Variants in NPAS3 observed in about 807,000 individuals in gnomAD.
NPAS3 encodes neuronal PAS domain-containing protein 3.
NPAS3 carries 14 observed loss-of-function variants against 73.1 expected under a neutral mutation model. That is an observed-to-expected ratio of 0.19 (90% CI 0.13 to 0.30). The LOEUF (loss-of-function observed/expected upper bound fraction) is 0.30. Among genes scored for constraint, NPAS3 ranks in the 10% least tolerant of loss-of-function variants. The pLI, the probability that NPAS3 is intolerant of heterozygous loss-of-function variation, is 1.00. For missense variants in NPAS3, 1,096 were observed against 1,250.0 expected, an observed-to-expected ratio of 0.88 and a Z score of 1.86; for synonymous variants, 620 against 541.5, an observed-to-expected ratio of 1.14 and a Z score of -2.01.
intron 2 of NPAS3, among the ~76,000 whole-genome samples, chr14:33,188,833 G>T (rs1398805505): frequency 6.6e-6 from 1 of 152,142 alleles, no homozygotes; most frequent in Non-Finnish European, 1.5e-5. Context: ...GATAAAAACA[G>T]TCATCATACT....
chr14:33,643,230 A>G (rs1278200551), intron 5 of NPAS3, among the ~76,000 whole-genome samples: 1 of 152,156 alleles, frequency 6.6e-6, no homozygotes, highest in Admixed American at 6.5e-5. Flanking sequence ...ATTATCTGCT[A>G]TAAAGTTGCA....
chr14:33,038,346 A>G (rs2040237953), intron 1 of NPAS3, among the ~76,000 whole-genome samples: 1 of 152,164 alleles, frequency 6.6e-6, no homozygotes, highest in Admixed American at 6.5e-5. Flanking sequence ...GTTAATACAA[A>G]TAATGATTAG....
chr14:32,963,257 T>C (rs1404225567), intron 1 of NPAS3, among the ~76,000 whole-genome samples: 1 of 152,210 alleles, frequency 6.6e-6, no homozygotes, highest in Non-Finnish European at 1.5e-5. Flanking sequence ...ATATTAGCTA[T>C]CTTTCAGATT....
chr14:33,379,535 G>A (rs554000652), intron 4 of NPAS3, among the ~76,000 whole-genome samples: 3 of 151,954 alleles, frequency 2.0e-5, no homozygotes, highest in Non-Finnish European at 4.4e-5. Flanking sequence ...TTTTGTTACC[G>A]GCATCAGCTA....
At chr14:33,582,729 CAT>C (rs1352173226) in intron 5 of NPAS3, among the ~76,000 whole-genome samples, 3 of 152,192 alleles carry the variant, frequency 2.0e-5, no homozygotes, top group East Asian at 1.9e-4. Flanking sequence ...GATAATAAGT[CAT>C]GTGACAGAAA....
chr14:32,999,188 C>T (rs560099987), intron 1 of NPAS3, among the ~76,000 whole-genome samples: 1 of 152,156 alleles, frequency 6.6e-6, no homozygotes, highest in East Asian at 1.9e-4. Flanking sequence ...AGTAGGAGTA[C>T]TGTGAGGAAT....
chr14:33,605,201 A>G (rs2057518002), intron 5 of NPAS3, among the ~76,000 whole-genome samples: 1 of 152,132 alleles, frequency 6.6e-6, no homozygotes, highest in Non-Finnish European at 1.5e-5. Context: ...GAACTTCCTC[A>G]AGTTGATAAA....
chr14:33,505,872 T>A (rs1169702269), intron 4 of NPAS3, among the ~76,000 whole-genome samples: 1 of 151,958 alleles, frequency 6.6e-6, no homozygotes, highest in East Asian at 1.9e-4. Flanking sequence ...ACCCTCTCCC[T>A]TGTCTGCCCT....
chr14:33,064,808 G>A (rs539597943), intron 2 of NPAS3, among the ~76,000 whole-genome samples: 1 of 152,092 alleles, frequency 6.6e-6, no homozygotes, highest in Admixed American at 6.5e-5. Flanking sequence ...CTATACAATG[G>A]TGTGTGTTTC....
chr14:33,093,085 A>G (rs1327762481), intron 2 of NPAS3, among the ~76,000 whole-genome samples: 1 of 152,222 alleles, frequency 6.6e-6, no homozygotes, highest in Non-Finnish European at 1.5e-5. Context: ...TAAAACACCA[A>G]AAGCAATGGC....
intron 7 of NPAS3, among the ~76,000 whole-genome samples, chr14:33,749,553 C>T (rs1224283365): frequency 6.6e-6 from 1 of 152,148 alleles, no homozygotes; most frequent in African/African-American, 2.4e-5. Context: ...GAATTACTAT[C>T]TTCTCTATGA....
chr14:33,074,427 CT>C (rs35291971), intron 2 of NPAS3, among the ~76,000 whole-genome samples: 4 of 152,020 alleles, frequency 2.6e-5, no homozygotes, highest in South Asian at 2.1e-4. Flanking sequence ...TTCTTTCTTT[CT>C]TTTTTTGAGA....
At chr14:33,184,762 G>C (rs948911506) in intron 2 of NPAS3, among the ~76,000 whole-genome samples, 1 of 152,130 alleles carries the variant, frequency 6.6e-6, no homozygotes, top group Non-Finnish European at 1.5e-5. Context: ...ATGCTGCCCG[G>C]TGTTCTGATG....
intron 6 of NPAS3, among the ~76,000 whole-genome samples, chr14:33,722,411 T>C (rs1376595933): frequency 1.3e-5 from 2 of 152,206 alleles, no homozygotes; most frequent in Non-Finnish European, 2.9e-5. Flanking sequence ...AAATGGATTT[T>C]TTTAATGACT....
chr14:33,287,072 T>G (rs2041906568), intron 3 of NPAS3, among the ~76,000 whole-genome samples: 1 of 152,144 alleles, frequency 6.6e-6, no homozygotes, highest in Non-Finnish European at 1.5e-5. Flanking sequence ...AAATACAATT[T>G]GTAATTTTAA....
At chr14:33,007,036 T>C (rs2039024170) in intron 1 of NPAS3, among the ~76,000 whole-genome samples, 1 of 152,212 alleles carries the variant, frequency 6.6e-6, no homozygotes, top group South Asian at 2.1e-4. Context: ...TGTTATCCAT[T>C]AGCACCTATT....
At chr14:32,946,348 G>GCACGCA (rs1555374429) in intron 1 of NPAS3, among the ~76,000 whole-genome samples, 2 of 139,314 alleles carry the variant, frequency 1.4e-5, no homozygotes, top group South Asian at 4.7e-4. Context: ...ACACACACGC[G>GCACGCA]CACACACACA....
At chr14:33,354,467 CTT>C (rs893322184) in intron 3 of NPAS3, among the ~76,000 whole-genome samples, 3 of 152,182 alleles carry the variant, frequency 2.0e-5, no homozygotes, top group African/African-American at 7.2e-5. Flanking sequence ...GCTTCTGCCT[CTT>C]TATAAATGCA....
chr14:33,493,584 G>T (rs931493200), intron 4 of NPAS3, among the ~76,000 whole-genome samples: 1 of 152,098 alleles, frequency 6.6e-6, no homozygotes, highest in Non-Finnish European at 1.5e-5. Context: ...ACCTCAGCCC[G>T]CTGTGAGAGG....
Sources: gnomAD v4.1 joint callset for allele counts (sites outside exome capture counted in the v4.1 genomes callset) on GRCh38, gnomAD v4.1.1 for gene constraint, MANE v1.5 for transcripts, NCBI Gene and HGNC (gene_info 2026-07-23, HGNC 2026-07-21) for gene names.